Variants in LRRC63 observed in about 807,000 individuals in gnomAD.
LRRC63 encodes the protein leucine rich repeat containing 63.
LRRC63 carries 40 observed loss-of-function variants against 49.5 expected under a neutral mutation model. That is an observed-to-expected ratio of 0.81 (90% confidence interval 0.63 to 1.05). LRRC63 has a LOEUF of 1.05. Ranked by LOEUF, LRRC63 falls within the 50% of genes least tolerant of loss-of-function variation. The pLI is 0.00. For synonymous variants in LRRC63, 191 were observed against 221.1 expected (o/e 0.86, Z 1.21); for missense variants, 636 against 663.1 (o/e 0.96, Z 0.45).
intron 5 of LRRC63, among the ~76,000 whole-genome samples, chr13:46,242,761 GAA>G (rs56322506): frequency 7.1e-6 from 1 of 141,180 alleles, no homozygotes; most frequent in Non-Finnish European, 1.6e-5. Context: ...GAGTGTTGAA[GAA>G]AAAAAAAAAA....
chr13:46,257,895 C>T (rs1469771015), intron 7 of LRRC63, among the ~76,000 whole-genome samples: 2 of 151,506 alleles, frequency 1.3e-5, no homozygotes, highest in East Asian at 3.9e-4. Context: ...CTTATAGTTT[C>T]CATATGTTAA....
rs182068457 is a variant in LRRC63, at chr13:46,217,569, A to T, written c.85+4450A>T. On this transcript the variant is annotated intron_variant, in intron 2 of 9. Transcript: ENST00000595396. ...TTTCAAAAAACCAGCTCCTGGATTC[A>T]TTGATTTTTTGAAGGGTTTTTCATG... 6.3e-3 allele frequency among the ~76,000 whole-genome samples: 960 copies of T among 152,102 alleles called. 10 individuals are homozygous for T. The highest frequency in any genetic ancestry group is 0.022 in the African/African-American group (918 of 41,456).
chr13:46,235,881 G>T (rs543417815), intron 5 of LRRC63, among the ~76,000 whole-genome samples: 1 of 152,188 alleles, frequency 6.6e-6, no homozygotes, highest in East Asian at 1.9e-4. Context: ...TGGACAGAGA[G>T]CTAAAAAGAA....
chr13:46,250,341 T>C lies in LRRC63; in HGVS notation c.1090-14T>C. The C allele has an allele frequency of 2.0e-6, 3 of 1,476,068 alleles. No homozygotes were observed. Among genetic ancestry groups the C allele is most frequent in the Non-Finnish European group, 2.7e-6 (3 of 1,093,888 alleles). 91.4% of individuals were successfully genotyped at this position (1,476,068 alleles called of 1,614,324 possible). On this transcript the variant is annotated splice_polypyrimidine_tract_variant and intron_variant, in intron 6 of 9. Transcript: ENST00000595396. ...TTATTCCGCTCATGTTTGTTTCTCT[T>C]TTCTGTTCCCCAGATATTATGTCTT...
intron 2 of LRRC63, among the ~76,000 whole-genome samples, chr13:46,220,178 C>T (rs1238971867): frequency 1.3e-5 from 2 of 152,332 alleles, no homozygotes; most frequent in Non-Finnish European, 2.9e-5. Flanking sequence ...CAGACAGGAA[C>T]ATTTAAGTCT....
intron 9 of LRRC63, chr13:46,270,605 A>G: frequency 1.2e-6 from 1 of 840,078 alleles, no homozygotes; most frequent in Non-Finnish European, 2.1e-6. Context: ...CATTAATGCC[A>G]CAACAGTGAC....
chr13:46,271,770 A>G (rs769373184), intron 9 of LRRC63, among the ~76,000 whole-genome samples: 1 of 151,836 alleles, frequency 6.6e-6, no homozygotes, highest in Non-Finnish European at 1.5e-5. Flanking sequence ...GTTTAAGATC[A>G]GTTAACACTG....
At chr13:46,220,593 C>T (rs2046377426) in intron 2 of LRRC63, among the ~76,000 whole-genome samples, 1 of 151,212 alleles carries the variant, frequency 6.6e-6, no homozygotes, top group African/African-American at 2.4e-5. Context: ...CTTCAGCCCC[C>T]TTTCCAGGGT....
chr13:46,264,956 A>G (rs185189513), intron 8 of LRRC63, among the ~76,000 whole-genome samples: 2 of 152,228 alleles, frequency 1.3e-5, no homozygotes, highest in South Asian at 2.1e-4. Flanking sequence ...CAGGCATTCA[A>G]GACTAGCCTG....
At chr13:46,239,272 C>G (rs975825677) in intron 5 of LRRC63, among the ~76,000 whole-genome samples, 3 of 148,812 alleles carry the variant, frequency 2.0e-5, no homozygotes, top group African/African-American at 7.3e-5. Flanking sequence ...AGAGAAAATC[C>G]AAATAAACAC....
intron 7 of LRRC63, among the ~76,000 whole-genome samples, chr13:46,259,037 C>T (rs7336448): frequency 6.6e-6 from 1 of 152,016 alleles, no homozygotes; most frequent in Non-Finnish European, 1.5e-5. Flanking sequence ...ATTTTCGTTC[C>T]TAAGGTTTTG....
At chr13:46,261,640 A>G (rs1017000259) in intron 7 of LRRC63, among the ~76,000 whole-genome samples, 1 of 152,302 alleles carries the variant, frequency 6.6e-6, no homozygotes, top group South Asian at 2.1e-4. Flanking sequence ...TGCAACAACA[A>G]CAACAAAAAA....
exon 6 of LRRC63, chr13:46,246,552 A>G (rs2047218326): frequency 4.1e-6 from 6 of 1,464,820 alleles, no homozygotes; most frequent in Non-Finnish European, 5.4e-6. Context: ...AATTGTCCAG[A>G]CTTAACACCT....
chr13:46,223,778 C>T (rs1329719765), intron 2 of LRRC63, among the ~76,000 whole-genome samples: 1 of 152,100 alleles, frequency 6.6e-6, no homozygotes, highest in Non-Finnish European at 1.5e-5. Flanking sequence ...ATCGCTTGAA[C>T]ATGGGAGGTG....
chr13:46,255,026 G>T (rs75018360), intron 7 of LRRC63, among the ~76,000 whole-genome samples: 185 of 152,268 alleles, frequency 1.2e-3, no homozygotes, highest in African/African-American at 4.2e-3. Flanking sequence ...TCCATTAACA[G>T]ATTAATTAAT....
At chr13:46,219,004 A>T (rs142711548) in intron 2 of LRRC63, among the ~76,000 whole-genome samples, 80 of 152,286 alleles carry the variant, frequency 5.3e-4, no homozygotes, top group African/African-American at 1.7e-3. Context: ...TTTGAGGGTA[A>T]CCCGACCTTT....
At chr13:46,218,969 C>T (rs1466851070) in intron 2 of LRRC63, among the ~76,000 whole-genome samples, 1 of 152,182 alleles carries the variant, frequency 6.6e-6, no homozygotes, top group Non-Finnish European at 1.5e-5. Context: ...GCAGAGAGAT[C>T]CGCTGTTAGT....
chr13:46,275,594 T>A (rs988609781), intron 9 of LRRC63, among the ~76,000 whole-genome samples: 1 of 152,190 alleles, frequency 6.6e-6, no homozygotes, highest in Non-Finnish European at 1.5e-5. Flanking sequence ...TTTCATATAC[T>A]TATTGGCCAA....
chr13:46,243,317 C>T (rs959585160), intron 5 of LRRC63, among the ~76,000 whole-genome samples: 5 of 151,990 alleles, frequency 3.3e-5, no homozygotes, highest in African/African-American at 1.2e-4. Context: ...TGTAATAGCA[C>T]AGAATCAAAA....
Sources: allele counts gnomAD v4.1 joint callset (sites outside exome capture counted in the v4.1 genomes callset), GRCh38; gene constraint gnomAD v4.1.1; transcripts MANE v1.5; gene names NCBI Gene and HGNC (gene_info 2026-07-23, HGNC 2026-07-21).